Variants in COL6A6 observed in about 807,000 individuals in gnomAD.
The protein encoded by COL6A6 is collagen type VI alpha 6 chain, also known as collagen alpha-6(VI) chain.
In COL6A6, 183 loss-of-function variants were observed where a neutral mutation model predicts 208.6. That is an observed-to-expected ratio of 0.88 (90% CI 0.78 to 0.99). The LOEUF is 0.99. Ranked by LOEUF, COL6A6 falls within the 50% of genes least tolerant of loss-of-function variation. The pLI is 0.00. For missense variants in COL6A6, 2,816 were observed against 2,815.2 expected (o/e 1.00, Z -0.01); for synonymous variants, 973 against 1,011.8 (o/e 0.96, Z 0.73).
Position 130,548,046 on chromosome 3 carries a change from G to A in COL6A6, c.-31-12288G>A, listed in dbSNP as rs191937752. On this transcript the variant is annotated intron_variant, in intron 1 of 36. Coordinates refer to ENST00000358511, the MANE Select transcript of COL6A6 (RefSeq NM_001102608.3). ...CACTTCAGGTGATCCGCCTGCCTTG[G>A]CCTCCCAAAGTGCTGGGATTACAGG... Among the ~76,000 whole-genome samples, 705 of 152,324 alleles carry A rather than the reference G, an allele frequency of 4.6e-3. 3 individuals are homozygous for A. The highest frequency in any genetic ancestry group is 7.7e-3 in the Non-Finnish European group (525 of 68,024).
chr3:130,640,723 A>C (rs1263751830), intron 28 of COL6A6, among the ~76,000 whole-genome samples: 1 of 152,176 alleles, frequency 6.6e-6, no homozygotes, highest in African/African-American at 2.4e-5. Context: ...TGCACGTGAA[A>C]ATATTTCTGA....
At chr3:130,626,443 A>G (rs1204617462) in intron 24 of COL6A6, 42 bp from the exon 25 acceptor site, 10 of 1,401,702 alleles carry the variant, frequency 7.1e-6, no homozygotes, top group African/African-American at 1.4e-5. Context: ...TAGTGCCATC[A>G]TTTCCAATTT....
chr3:130,574,361 G>C lies in COL6A6; in HGVS notation c.3383G>C (p.Arg1128Thr). The C allele has an allele frequency of 6.2e-7, 1 of 1,614,030 alleles. No homozygotes were observed. The highest frequency in any genetic ancestry group is 8.5e-7 in the Non-Finnish European group (1 of 1,179,908). Residue 1128 changes from arginine (R) to threonine (T), a missense_variant, in exon 8 of 37, where the codon AGA becomes ACA. Coordinates refer to ENST00000358511, the MANE Select transcript of COL6A6 (RefSeq NM_001102608.3). ...VAQAAEALRHRGIDIYSVGIG... is the reference protein window; with the variant it reads ...VAQAAEALRHTGIDIYSVGIG... ...CAGGCCGCGGAAGCCCTGAGACACA[G>C]AGGTATCGACATCTACTCCGTGGGC...
intron 1 of COL6A6, among the ~76,000 whole-genome samples, chr3:130,532,437 G>A (rs1052943187): frequency 5.3e-5 from 8 of 152,210 alleles, no homozygotes; most frequent in South Asian, 4.2e-4. Flanking sequence ...TACCCCTTGC[G>A]TCCCCAATCA....
intron 5 of COL6A6, among the ~76,000 whole-genome samples, chr3:130,567,724 C>G (rs2063062110): frequency 6.6e-6 from 1 of 150,414 alleles, no homozygotes; most frequent in Admixed American, 6.6e-5. Flanking sequence ...CTGGAGGGTG[C>G]TCCTGTCATC....
chr3:130,622,074 C>T (rs990545027), intron 24 of COL6A6, among the ~76,000 whole-genome samples, 191 bp downstream of exon 24: 4 of 152,002 alleles, frequency 2.6e-5, no homozygotes, highest in Admixed American at 6.6e-5. Context: ...TCAGGGATTC[C>T]AGCTCAGTGT....
chr3:130,650,344 C>T (rs970264960), intron 33 of COL6A6, among the ~76,000 whole-genome samples: 9 of 152,210 alleles, frequency 5.9e-5, no homozygotes, highest in African/African-American at 1.9e-4. Flanking sequence ...AGTCCAGGGC[C>T]GGGAGCGGTG....
At chr3:130,539,558 C>T (rs12631062) in intron 1 of COL6A6, among the ~76,000 whole-genome samples, 14,515 of 150,280 alleles carry the variant, frequency 0.097, 910 homozygotes, top group East Asian at 0.27. Context: ...GGCGTGAACC[C>T]GGGAGGCGGA....
intron 29 of COL6A6, among the ~76,000 whole-genome samples, 188 bp downstream of exon 29, chr3:130,641,902 A>G (rs1485931496): frequency 2.6e-5 from 4 of 152,180 alleles, no homozygotes; most frequent in African/African-American, 7.2e-5. Context: ...GATTAAATAC[A>G]TCTCTTGAGA....
At chr3:130,563,728 A>G (rs1035611775) in intron 3 of COL6A6, 64 bp downstream of exon 3, 21 of 1,109,932 alleles carry the variant, frequency 1.9e-5, no homozygotes, top group Non-Finnish European at 1.8e-5. Flanking sequence ...AAATGGGGAG[A>G]GGATTGAAAT....
chr3:130,644,845 T>G, intron 31 of COL6A6, 146 bp from the exon 32 acceptor site: 1 of 735,660 alleles, frequency 1.4e-6, no homozygotes, highest in South Asian at 1.6e-5. Context: ...TGTTAGACTC[T>G]GTCTGCATTT....
intron 33 of COL6A6, among the ~76,000 whole-genome samples, chr3:130,649,987 G>A (rs1440596526): frequency 6.6e-6 from 1 of 152,106 alleles, no homozygotes; most frequent in Admixed American, 6.6e-5. Flanking sequence ...TGTCACTTAG[G>A]GTAGTAATTG....
chr3:130,603,558 G>A (rs943081595), intron 20 of COL6A6, among the ~76,000 whole-genome samples: 3 of 152,096 alleles, frequency 2.0e-5, no homozygotes, highest in Admixed American at 6.5e-5. Flanking sequence ...AAGGGGGAGC[G>A]TCTCTGAGCC....
At chr3:130,656,313 G>A (rs950889573) in intron 33 of COL6A6, among the ~76,000 whole-genome samples, 2 of 152,208 alleles carry the variant, frequency 1.3e-5, no homozygotes, top group African/African-American at 4.8e-5. Context: ...GGTGAACAAG[G>A]TGAAGAGGAG....
In COL6A6 at chr3:130,594,327, G is replaced by T. The variant is rs1481025311; in HGVS notation, c.4517G>T (p.Gly1506Val). 1.2e-6 allele frequency: 2 copies of T among 1,613,362 alleles called. No homozygotes were observed. The highest frequency in any genetic ancestry group is 1.7e-6 in the Non-Finnish European group (2 of 1,179,620). ...ACTCCTGGTGACCGTGGAGCAAAGG[G>T]CCTGCGAGGGGATCCCGTAAGTGCA... Reference protein sequence around the residue: ...RGTPGDRGAKGLRGDPGAPGV... With the variant: ...RGTPGDRGAKVLRGDPGAPGV... The change falls in exon 18 of 37, where the codon GGC becomes GTC. Residue 1506 changes from glycine (G) to valine (V), a missense_variant. Physicochemically the swap from Gly to Val is moderately radical, Grantham distance 109. Transcript: ENST00000358511.
Position 130,535,645 on chromosome 3 carries a change from CCTAAAGAGTTTTGCCTTTGCCT to C in COL6A6, c.-32+18251_-32+18272del, listed in dbSNP as rs1453110971. ...ATGCACCTAAAGTGGTGAAAATGCCCCTAAAGAGTTTTGCCTTTGCCTCTGCAGCTGCTGAGGAGTTTCATGG... is the reference window on the plus strand; with the variant it reads ...ATGCACCTAAAGTGGTGAAAATGCCCCTGCAGCTGCTGAGGAGTTTCATGG... On this transcript the variant is annotated intron_variant, in intron 1 of 36. Coordinates refer to ENST00000358511, the MANE Select transcript of COL6A6 (RefSeq NM_001102608.3). 2.6e-5 allele frequency among the ~76,000 whole-genome samples: 4 copies of C among 151,962 alleles called. No individual in the cohort carries two copies. The East Asian group carries it at 5.8e-4, about 22-fold the overall frequency.
intron 1 of COL6A6, among the ~76,000 whole-genome samples, chr3:130,527,781 AC>A (rs2061991337): frequency 6.6e-6 from 1 of 152,118 alleles, no homozygotes; most frequent in African/African-American, 2.4e-5. Context: ...AGGAAATTAA[AC>A]CTGACCTAGC....
intron 33 of COL6A6, among the ~76,000 whole-genome samples, chr3:130,651,903 C>G (rs1435837683): frequency 1.3e-5 from 2 of 152,174 alleles, no homozygotes; most frequent in Non-Finnish European, 2.9e-5. Context: ...TTTGAGTGTT[C>G]AGTCTCACCT....
intron 29 of COL6A6, 113 bp from the exon 30 acceptor site, chr3:130,642,719 A>T: frequency 1.1e-6 from 1 of 877,230 alleles, no homozygotes; most frequent in Non-Finnish European, 1.7e-6. Flanking sequence ...CTTACAATTT[A>T]ATGAGAATAA....
Sources: gnomAD v4.1 joint callset for allele counts (sites outside exome capture counted in the v4.1 genomes callset) on GRCh38, gnomAD v4.1.1 for gene constraint, MANE v1.5 for transcripts, NCBI Gene and HGNC (gene_info 2026-07-23, HGNC 2026-07-21) for gene names.